The following TAFA1 variants were observed in gnomAD, a reference collection of about 807,000 sequenced individuals.
The protein encoded by TAFA1 is chemokine-like protein TAFA-1.
Under a neutral mutation model 18.5 loss-of-function variants are expected in TAFA1, and 4 were observed. That is an observed-to-expected ratio of 0.22 (90% CI 0.11 to 0.49). TAFA1 has a LOEUF of 0.49. TAFA1 is among the 20% of genes least tolerant of loss of function. The pLI is 0.98. For missense variants in TAFA1, 147 were observed against 169.0 expected (o/e 0.87, Z 0.72); for synonymous variants, 56 against 55.2 (o/e 1.01, Z -0.06).
intron 2 of TAFA1, among the ~76,000 whole-genome samples, chr3:68,353,678 G>A (rs2069311779): frequency 6.6e-6 from 1 of 151,978 alleles, no homozygotes; most frequent in Non-Finnish European, 1.5e-5. Flanking sequence ...TCGAGCCTGA[G>A]GCAGACAGCA....
At chr3:68,491,091 G>T (rs568721433) in intron 3 of TAFA1, among the ~76,000 whole-genome samples, 1 of 152,014 alleles carries the variant, frequency 6.6e-6, no homozygotes, top group African/African-American at 2.4e-5. Flanking sequence ...CTCCTGCCTC[G>T]GCCTTCTAAA....
chr3:68,046,690 G>T (rs1024049583), intron 2 of TAFA1, among the ~76,000 whole-genome samples: 5 of 152,128 alleles, frequency 3.3e-5, no homozygotes, highest in Non-Finnish European at 7.4e-5. Context: ...TATATGGTGG[G>T]TAGGCCAACT....
At chr3:68,100,406 C>T (rs1199739982) in intron 2 of TAFA1, among the ~76,000 whole-genome samples, 1 of 152,122 alleles carries the variant, frequency 6.6e-6, no homozygotes, top group Non-Finnish European at 1.5e-5. Flanking sequence ...ATTGCTTGAA[C>T]TTGAGAGGTG....
At chr3:68,252,457 C>T (rs1226535144) in intron 2 of TAFA1, among the ~76,000 whole-genome samples, 4 of 152,150 alleles carry the variant, frequency 2.6e-5, no homozygotes, top group African/African-American at 2.4e-5. Context: ...TTGAATCTGA[C>T]AGTACTGGGC....
intron 2 of TAFA1, among the ~76,000 whole-genome samples, chr3:68,407,396 C>T (rs994415324): frequency 3.9e-5 from 6 of 152,078 alleles, no homozygotes; most frequent in Non-Finnish European, 8.8e-5. Context: ...CATGAATGCC[C>T]TTCAGCTTCC....
chr3:68,269,419 G>T (rs983313163), intron 2 of TAFA1, among the ~76,000 whole-genome samples: 4 of 152,192 alleles, frequency 2.6e-5, no homozygotes, highest in African/African-American at 9.6e-5. Context: ...AATGAGCTAT[G>T]ATTGCACCAC....
At chr3:68,490,997 C>T (rs1167223458) in intron 3 of TAFA1, among the ~76,000 whole-genome samples, 2 of 151,864 alleles carry the variant, frequency 1.3e-5, no homozygotes, top group Non-Finnish European at 2.9e-5. Context: ...CACTGCCACA[C>T]CCAGCTAAGT....
chr3:68,486,065 A>C (rs1268421634), intron 3 of TAFA1, among the ~76,000 whole-genome samples: 1 of 132,222 alleles, frequency 7.6e-6, no homozygotes, highest in Non-Finnish European at 1.6e-5. Context: ...TCCTGGCTAA[A>C]TTTTTATTTT....
intron 2 of TAFA1, among the ~76,000 whole-genome samples, chr3:68,277,661 T>G: frequency 6.6e-6 from 1 of 152,114 alleles, no homozygotes; most frequent in East Asian, 1.9e-4. Flanking sequence ...TTACATTGAG[T>G]TAAAAGTGAT....
In TAFA1 at chr3:68,365,741, T is replaced by G. The variant is rs527919777; in HGVS notation, c.119-51539T>G. On this transcript the variant is annotated intron_variant, in intron 2 of 4. Coordinates refer to ENST00000478136, the MANE Select transcript of TAFA1 (RefSeq NM_213609.4). The stretch of plus-strand genomic sequence containing the variant: ...TGGAAGGTGAAAGGCACATAATACA[T>G]GATAGCAGCCAAGAGAGAATGAGTG... Among the ~76,000 whole-genome samples the G allele has an allele frequency of 6.6e-5, 10 of 152,254 alleles. No homozygotes were observed. The South Asian group carries it at 1.7e-3, about 25-fold the overall frequency.
At chr3:68,495,998 CAAAAA>C (rs199520960) in intron 3 of TAFA1, among the ~76,000 whole-genome samples, 4 of 107,538 alleles carry the variant, frequency 3.7e-5, no homozygotes, top group African/African-American at 1.6e-4. Flanking sequence ...TTCCCTGAAG[CAAAAA>C]AAAAAAAAAA....
rs112707193 is a variant in TAFA1 at position 68,172,775 on chromosome 3, G to A, written c.118+166031G>A. ...TGAATAAAGGCAGTCACCAAAGGGC[G>A]CATAATAGATTATTTATTGATTAAA... On this transcript the variant is annotated intron_variant, in intron 2 of 4. Transcript: ENST00000478136. 8.5e-3 allele frequency among the ~76,000 whole-genome samples: 1,286 copies of A among 152,148 alleles called. 10 individuals carry two copies. Among genetic ancestry groups the A allele is most frequent in the African/African-American group, 0.025 (1,051 of 41,520 alleles).
chr3:68,372,980 C>G (rs566170913), intron 2 of TAFA1, among the ~76,000 whole-genome samples: 40 of 152,130 alleles, frequency 2.6e-4, no homozygotes, highest in Non-Finnish European at 4.4e-4. Context: ...TAGGGTGCCT[C>G]TACCTAGATG....
At chr3:68,204,030 T>C (rs1392717869) in intron 2 of TAFA1, among the ~76,000 whole-genome samples, 1 of 146,482 alleles carries the variant, frequency 6.8e-6, no homozygotes, top group African/African-American at 2.5e-5. Flanking sequence ...CAGCAATTCA[T>C]TGATTACAGT....
At position 68,025,043 on chromosome 3, in the gene TAFA1, G is replaced by A. The variant is rs78337005; in HGVS notation, c.118+18299G>A. 8.9e-3 allele frequency among the ~76,000 whole-genome samples: 1,354 copies of A among 152,092 alleles called. 24 individuals are homozygous for A. The highest frequency in any genetic ancestry group is 0.031 in the African/African-American group (1,305 of 41,488). ...GGGATGACTCCTTTCTCTGGCCTGG[G>A]CAAAATGTTTTTAATTATAAAACAG... On this transcript the variant is annotated intron_variant, in intron 2 of 4. Transcript: ENST00000478136.
At chr3:68,337,058 C>T (rs6780812) in intron 2 of TAFA1, among the ~76,000 whole-genome samples, 2,484 of 152,200 alleles carry the variant, frequency 0.016, 66 homozygotes, top group African/African-American at 0.055. Flanking sequence ...GGAGTATTAC[C>T]CCCTTTTCCA....
intron 2 of TAFA1, among the ~76,000 whole-genome samples, chr3:68,254,133 G>GTATC (rs1553659903): frequency 0.011 from 1,278 of 111,160 alleles, 4 homozygotes; most frequent in Non-Finnish European, 0.015. Context: ...ATGTATGTAT[G>GTATC]TATCTATCTA....
At chr3:68,528,090 A>G (rs2073133059) in intron 3 of TAFA1, among the ~76,000 whole-genome samples, 1 of 152,214 alleles carries the variant, frequency 6.6e-6, no homozygotes, top group Non-Finnish European at 1.5e-5. Flanking sequence ...ATAATCTTGC[A>G]TTAAAGATAA....
intron 3 of TAFA1, among the ~76,000 whole-genome samples, chr3:68,459,669 G>A (rs1035950698): frequency 3.3e-5 from 5 of 152,122 alleles, no homozygotes; most frequent in Non-Finnish European, 7.4e-5. Flanking sequence ...TCTCATCTTT[G>A]AAACGAATGA....
Sources: allele counts gnomAD v4.1 joint callset (sites outside exome capture counted in the v4.1 genomes callset), GRCh38; gene constraint gnomAD v4.1.1; transcripts MANE v1.5; gene names NCBI Gene and HGNC (gene_info 2026-07-23, HGNC 2026-07-21).